CACNA1E: variants seen among roughly 807,000 people sequenced by gnomAD.
The protein encoded by CACNA1E is calcium voltage-gated channel subunit alpha1 E.
CACNA1E carries 40 observed loss-of-function variants against 259.2 expected under a neutral mutation model. The ratio of observed to expected loss-of-function variants is 0.15; its 90% CI spans 0.12 to 0.20. The LOEUF (loss-of-function observed/expected upper bound fraction) is 0.20. Among genes scored for constraint, CACNA1E ranks in the 10% least tolerant of loss-of-function variants. The probability of loss-of-function intolerance (pLI) is 1.00; values close to 1 mark genes in which losing one functional copy is unlikely to be tolerated. For synonymous variants in CACNA1E, 1,104 were observed against 1,138.5 expected (o/e 0.97, Z 0.61); for missense variants, 1,874 against 3,040.1 (o/e 0.62, Z 9.02).
intron 1 of CACNA1E, among the ~76,000 whole-genome samples, chr1:181,408,259 G>T (rs1050178193): frequency 2.0e-5 from 3 of 152,204 alleles, no homozygotes; most frequent in Non-Finnish European, 2.9e-5. Context: ...GAGAGTGGTG[G>T]AGGGGTGGGA....
chr1:181,442,601 A>G (rs905455206), intron 2 of CACNA1E, among the ~76,000 whole-genome samples: 1 of 151,816 alleles, frequency 6.6e-6, no homozygotes, highest in African/African-American at 2.4e-5. Context: ...GGGGCAGGCC[A>G]GCACAGCCTA....
At chr1:181,738,276 G>C in intron 23 of CACNA1E, 91 bp from the exon 24 acceptor site, 1 of 982,878 alleles carries the variant, frequency 1.0e-6, no homozygotes, top group Non-Finnish European at 1.6e-6. Flanking sequence ...GGGTGGGCGT[G>C]CACGAGTGCA....
intron 25 of CACNA1E, among the ~76,000 whole-genome samples, chr1:181,747,890 T>C (rs1657237448): frequency 6.6e-6 from 1 of 152,224 alleles, no homozygotes; most frequent in Admixed American, 6.5e-5. Flanking sequence ...AGTCCATGTG[T>C]AAATTATATT....
chr1:181,759,914 C>T (rs1253511574), intron 32 of CACNA1E, among the ~76,000 whole-genome samples: 2 of 152,118 alleles, frequency 1.3e-5, no homozygotes, highest in African/African-American at 2.4e-5. Context: ...TTAATTTGAT[C>T]ATTTTGGGTG....
chr1:181,675,579 A>C (rs1649288810), intron 7 of CACNA1E, among the ~76,000 whole-genome samples: 2 of 152,264 alleles, frequency 1.3e-5, no homozygotes, highest in African/African-American at 4.8e-5. Context: ...ATGACAACAT[A>C]ATGAGCTCCA....
chr1:181,757,131 T>C lies in CACNA1E; in HGVS notation c.4329+5T>C. The C allele has an allele frequency of 6.2e-7, 1 of 1,609,318 alleles. No individual in the cohort carries two copies. The highest frequency in any genetic ancestry group is 8.5e-7 in the Non-Finnish European group (1 of 1,175,826). ...TGCAGCCTGGAGAAGAATGAGGTAA[T>C]GACAATTGGTCTAAAGTGGGGAGCA... On this transcript the variant is annotated splice_donor_5th_base_variant and intron_variant, in intron 30 of 47. Coordinates refer to ENST00000367573, the MANE Select transcript of CACNA1E (RefSeq NM_001205293.3).
chr1:181,592,991 C>T (rs1652808619), intron 6 of CACNA1E, among the ~76,000 whole-genome samples: 1 of 152,076 alleles, frequency 6.6e-6, no homozygotes, highest in Admixed American at 6.6e-5. Context: ...TGATTGCAGG[C>T]AAAACACTGT....
chr1:181,421,569 G>C (rs990816051), intron 2 of CACNA1E, among the ~76,000 whole-genome samples: 1 of 152,162 alleles, frequency 6.6e-6, no homozygotes, highest in Non-Finnish European at 1.5e-5. Context: ...ACATAATGTG[G>C]CTAGAACAAA....
At chr1:181,690,234 T>C (rs1651008438) in intron 7 of CACNA1E, among the ~76,000 whole-genome samples, 1 of 152,222 alleles carries the variant, frequency 6.6e-6, no homozygotes, top group Non-Finnish European at 1.5e-5. Context: ...AAATAGGGAA[T>C]CCTTTCCCCA....
At chr1:181,424,461 A>G (rs1383474096) in intron 2 of CACNA1E, among the ~76,000 whole-genome samples, 3 of 152,214 alleles carry the variant, frequency 2.0e-5, no homozygotes, top group Admixed American at 6.5e-5. Flanking sequence ...GCTTCCCTAG[A>G]GAACTGGGTT....
At chr1:181,576,543 C>T (rs755273162) in intron 3 of CACNA1E, among the ~76,000 whole-genome samples, 38 of 152,330 alleles carry the variant, frequency 2.5e-4, no homozygotes, top group Non-Finnish European at 3.8e-4. Context: ...GAAGGAAGTT[C>T]AGGTACCTTC....
chr1:181,715,456 GTTA>G, intron 9 of CACNA1E, 65 bp downstream of exon 9: 1 of 885,556 alleles, frequency 1.1e-6, no homozygotes, highest in Non-Finnish European at 1.9e-6. Context: ...GGCAATCTCT[GTTA>G]TTCAAAAGGA....
intron 3 of CACNA1E, among the ~76,000 whole-genome samples, chr1:181,535,216 G>C (rs958497492): frequency 2.6e-5 from 4 of 152,138 alleles, no homozygotes; most frequent in African/African-American, 9.7e-5. Flanking sequence ...TCATAAAAAA[G>C]TTCAGTATCA....
At chr1:181,583,574 C>T (rs563492478) in intron 6 of CACNA1E, among the ~76,000 whole-genome samples, 2 of 152,004 alleles carry the variant, frequency 1.3e-5, no homozygotes, top group Non-Finnish European at 2.9e-5. Flanking sequence ...AATGTAAATG[C>T]TTCCCTCATG....
At chr1:181,769,059 C>T (rs954115650) in intron 35 of CACNA1E, among the ~76,000 whole-genome samples, 4 of 152,172 alleles carry the variant, frequency 2.6e-5, no homozygotes, top group African/African-American at 7.2e-5. Context: ...CCTGTGGCTA[C>T]GTGGTGTCAG....
chr1:181,777,996 A>G (rs565009692), intron 38 of CACNA1E, among the ~76,000 whole-genome samples: 3 of 152,220 alleles, frequency 2.0e-5, no homozygotes, highest in Non-Finnish European at 4.4e-5. Flanking sequence ...TGTATAAAAC[A>G]TGCTCCTCCC....
At chr1:181,508,212 G>T (rs577486648) in intron 1 of CACNA1E, among the ~76,000 whole-genome samples, 2 of 151,628 alleles carry the variant, frequency 1.3e-5, no homozygotes, top group East Asian at 3.9e-4. Flanking sequence ...AAGTATTAAA[G>T]GCCCCAAGAA....
At chr1:181,604,343 A>G (rs1654029863) in intron 6 of CACNA1E, among the ~76,000 whole-genome samples, 1 of 152,132 alleles carries the variant, frequency 6.6e-6, no homozygotes, top group Admixed American at 6.5e-5. Context: ...GTTCAATATA[A>G]CACATAGAAC....
chr1:181,548,129 C>CCTTTTTTTTCT (rs1647704616), intron 3 of CACNA1E, among the ~76,000 whole-genome samples: 1 of 133,390 alleles, frequency 7.5e-6, no homozygotes, highest in Non-Finnish European at 1.5e-5. Flanking sequence ...CTTTTTTTTT[C>CCTTTTTTTTCT]TTTTTTTTTT....
Sources: allele counts gnomAD v4.1 joint callset (sites outside exome capture counted in the v4.1 genomes callset), GRCh38; gene constraint gnomAD v4.1.1; transcripts MANE v1.5; gene names NCBI Gene and HGNC (gene_info 2026-07-23, HGNC 2026-07-21).